The following PKNOX2 variants were observed in gnomAD, a reference collection of about 807,000 sequenced individuals.
PKNOX2 encodes the protein homeobox protein PKNOX2.
A neutral mutation model predicts 53.1 loss-of-function variants in PKNOX2; 14 were observed. That is an observed-to-expected ratio of 0.26 (90% CI 0.17 to 0.41). PKNOX2 has a LOEUF of 0.41. Among genes scored for constraint, PKNOX2 ranks in the 10% least tolerant of loss-of-function variants. PKNOX2 has a pLI of 1.00. For synonymous variants in PKNOX2, 257 were observed against 242.8 expected (o/e 1.06, Z -0.54); for missense variants, 496 against 602.8 (o/e 0.82, Z 1.85).
At chr11:125,305,846 G>A (rs577028940) in intron 2 of PKNOX2, among the ~76,000 whole-genome samples, 7 of 152,226 alleles carry the variant, frequency 4.6e-5, no homozygotes, top group South Asian at 2.1e-4. Flanking sequence ...AGAATATTCC[G>A]GAGGCAGGAG....
In PKNOX2 at chr11:125,278,667, G is replaced by A. The variant is rs565926535; in HGVS notation, c.-130+43552G>A. Among the ~76,000 whole-genome samples, 3 of 152,312 alleles carry A rather than the reference G, an allele frequency of 2.0e-5. No homozygotes were observed. In the East Asian group the frequency reaches 5.8e-4, roughly 29 times the overall value. The stretch of plus-strand genomic sequence containing the variant: ...TGCTGGATTAGTACAATTGATGAGT[G>A]AATATCGGGGTGGTGGACACAGCCC... On this transcript the variant is annotated intron_variant, in intron 2 of 12. Transcript: ENST00000298282.
At position 125,166,064 on chromosome 11, in the gene PKNOX2, C is replaced by A. The variant is rs1417519034; in HGVS notation, c.-201+1288C>A. Among the ~76,000 whole-genome samples the A allele has an allele frequency of 6.6e-6, 1 of 152,000 alleles. No individual in the cohort carries two copies. Among genetic ancestry groups the A allele is most frequent in the African/African-American group, 2.4e-5 (1 of 41,372 alleles). On this transcript the variant is annotated intron_variant, in intron 1 of 12. Coordinates refer to ENST00000298282, the MANE Select transcript of PKNOX2 (RefSeq NM_001382323.2). This position sits in a 1 kb window ranked among gnomAD's most constrained non-coding sequence, Gnocchi z 4.0. ...CTGAATTAGGGCTGGGTTTTAGGAC[C>A]AGTCTAGAGTTCGGTTTATAGGATC...
In PKNOX2 at chr11:125,343,406, G is replaced by A. The variant is rs146401941; in HGVS notation, c.-22-7878G>A. 2.0e-5 allele frequency among the ~76,000 whole-genome samples: 3 copies of A among 151,496 alleles called. No homozygotes were observed. In the East Asian group the frequency reaches 5.8e-4, roughly 29 times the overall value. ...GCATGCTTTTTTTTTTCTGTTTTTTGTTTTATTTTGTTTAAAGGAACCAAA... is the reference window on the plus strand; with the variant it reads ...GCATGCTTTTTTTTTTCTGTTTTTTATTTTATTTTGTTTAAAGGAACCAAA... On this transcript the variant is annotated intron_variant, in intron 3 of 12. Transcript: ENST00000298282.
chr11:125,352,687 G>A lies in PKNOX2; in HGVS notation c.87+1295G>A, dbSNP rs756545305. ...GAACACCTTTGCTCTGCCCTTGAAGGTCCAAAAGCCCTGGTCCTTCACCAA... is the reference window on the plus strand; with the variant it reads ...GAACACCTTTGCTCTGCCCTTGAAGATCCAAAAGCCCTGGTCCTTCACCAA... On this transcript the variant is annotated intron_variant, in intron 4 of 12. Coordinates refer to ENST00000298282, the MANE Select transcript of PKNOX2 (RefSeq NM_001382323.2). This position sits in a 1 kb window ranked among gnomAD's most constrained non-coding sequence, Gnocchi z 4.1. Among the ~76,000 whole-genome samples the A allele has an allele frequency of 3.3e-5, 5 of 152,100 alleles. No individual in the cohort carries two copies. Among genetic ancestry groups the A allele is most frequent in the Non-Finnish European group, 7.4e-5 (5 of 68,024 alleles).
intron 1 of PKNOX2, among the ~76,000 whole-genome samples, chr11:125,202,761 AC>A (rs1025010222): frequency 2.6e-5 from 4 of 151,918 alleles, no homozygotes; most frequent in African/African-American, 4.8e-5. Flanking sequence ...TAATTTCATC[AC>A]CCCTTCAGGC....
At chr11:125,188,393 A>G (rs1054660438) in intron 1 of PKNOX2, among the ~76,000 whole-genome samples, 1 of 152,188 alleles carries the variant, frequency 6.6e-6, no homozygotes, top group Non-Finnish European at 1.5e-5. Context: ...TTAGAAATTC[A>G]TTGCTGCAAG....
At chr11:125,380,124 G>C (rs907778060) in intron 5 of PKNOX2, among the ~76,000 whole-genome samples, 6 of 152,162 alleles carry the variant, frequency 3.9e-5, no homozygotes, top group Non-Finnish European at 8.8e-5. Context: ...GCCTGTGTCC[G>C]CGCTCCTGGG....
intron 2 of PKNOX2, among the ~76,000 whole-genome samples, chr11:125,318,401 G>A (rs987583634): frequency 1.3e-5 from 2 of 151,738 alleles, no homozygotes; most frequent in East Asian, 1.9e-4. Context: ...GATTACAGGT[G>A]TGAGCCACTG....
chr11:125,203,854 C>T (rs1485410934), intron 1 of PKNOX2, among the ~76,000 whole-genome samples: 2 of 152,194 alleles, frequency 1.3e-5, no homozygotes, highest in Non-Finnish European at 2.9e-5. Flanking sequence ...AAACTCAGAG[C>T]TCCAGAATCT....
At chr11:125,178,394 C>T (rs1024642685) in intron 1 of PKNOX2, among the ~76,000 whole-genome samples, 1 of 151,488 alleles carries the variant, frequency 6.6e-6, no homozygotes, top group Non-Finnish European at 1.5e-5. Context: ...GCCTGTAATC[C>T]CAGCTACTTG....
At chr11:125,430,890 C>A (rs1956669899) in intron 12 of PKNOX2, among the ~76,000 whole-genome samples, 1 of 152,178 alleles carries the variant, frequency 6.6e-6, no homozygotes, top group Admixed American at 6.5e-5. Flanking sequence ...ACCTGCCTTA[C>A]AGAATTGTTA....
rs957909811 is a variant in PKNOX2, at chr11:125,165,284, G to T, written c.-201+508G>T. Among the ~76,000 whole-genome samples the T allele has an allele frequency of 3.3e-5, 5 of 152,058 alleles. No homozygotes were observed. The highest frequency in any genetic ancestry group is 7.2e-5 in the African/African-American group (3 of 41,458). On this transcript the variant is annotated intron_variant, in intron 1 of 12. Coordinates refer to ENST00000298282, the MANE Select transcript of PKNOX2 (RefSeq NM_001382323.2). This position sits in a 1 kb window ranked among gnomAD's most constrained non-coding sequence, Gnocchi z 4.5. ...GTAGCGGGCGGGCGGGGAGCTGTGCGCCAGGAGCGCCAGGGGACCCGAGAA... is the reference window on the plus strand; with the variant it reads ...GTAGCGGGCGGGCGGGGAGCTGTGCTCCAGGAGCGCCAGGGGACCCGAGAA...
chr11:125,379,211 C>A (rs1953067852), intron 5 of PKNOX2, among the ~76,000 whole-genome samples: 1 of 151,898 alleles, frequency 6.6e-6, no homozygotes, highest in Non-Finnish European at 1.5e-5. Flanking sequence ...AAGGCACGTG[C>A]CACCATGTCT....
chr11:125,327,099 C>A (rs1043388798), intron 2 of PKNOX2, among the ~76,000 whole-genome samples: 2 of 152,128 alleles, frequency 1.3e-5, no homozygotes, highest in African/African-American at 2.4e-5. Flanking sequence ...GAGATAGATA[C>A]CAGAGTGGGG....
At chr11:125,204,308 C>A (rs1041360833) in intron 1 of PKNOX2, among the ~76,000 whole-genome samples, 5 of 152,160 alleles carry the variant, frequency 3.3e-5, no homozygotes, top group African/African-American at 1.2e-4. Context: ...AGGTACAATA[C>A]AAAGGAGCCA....
chr11:125,167,005 C>G (rs1411456626), intron 1 of PKNOX2, among the ~76,000 whole-genome samples: 1 of 152,134 alleles, frequency 6.6e-6, no homozygotes, highest in Non-Finnish European at 1.5e-5. Flanking sequence ...CTCTCTCTGC[C>G]GTTCTGGCCT....
intron 2 of PKNOX2, among the ~76,000 whole-genome samples, chr11:125,237,429 G>A (rs1259704984): frequency 6.6e-6 from 1 of 152,158 alleles, no homozygotes; most frequent in Non-Finnish European, 1.5e-5. Context: ...GAAAGAACAG[G>A]ATGAAGAATA....
intron 3 of PKNOX2, among the ~76,000 whole-genome samples, chr11:125,341,567 G>T (rs1394289632): frequency 6.6e-6 from 1 of 152,234 alleles, no homozygotes; most frequent in East Asian, 1.9e-4. Context: ...GGACATGCGG[G>T]TGAGGAGCAG....
At chr11:125,187,980 G>A (rs1234084067) in intron 1 of PKNOX2, 2 of 152,234 alleles carry the variant, frequency 1.3e-5, no homozygotes, top group African/African-American at 4.8e-5. Flanking sequence ...TAATCACACT[G>A]TTAAAATGTC....
Sources: gnomAD v4.1 joint callset for allele counts (sites outside exome capture counted in the v4.1 genomes callset) on GRCh38, gnomAD v4.1.1 for gene constraint, Gnocchi (gnomAD v3.1) non-coding constraint, MANE v1.5 for transcripts, NCBI Gene and HGNC (gene_info 2026-07-23, HGNC 2026-07-21) for gene names.